The following UNC13C variants were observed in gnomAD, a reference collection of about 807,000 sequenced individuals.
The protein encoded by UNC13C is protein unc-13 homolog C.
Under a neutral mutation model 245.4 loss-of-function variants are expected in UNC13C, and 174 were observed. That is an observed-to-expected ratio of 0.71 (90% CI 0.63 to 0.80). UNC13C has a LOEUF of 0.80. Ranked by LOEUF, UNC13C falls within the 30% of genes least tolerant of loss-of-function variation. The pLI, the probability that UNC13C is intolerant of heterozygous loss-of-function variation, is 0.00. For missense variants in UNC13C, 2,829 were observed against 2,602.9 expected (o/e 1.09, Z -1.89); for synonymous variants, 992 against 895.1 (o/e 1.11, Z -1.93).
intron 2 of UNC13C, among the ~76,000 whole-genome samples, chr15:54,029,341 G>C (rs1463456240): frequency 6.6e-6 from 1 of 152,198 alleles, no homozygotes; most frequent in Non-Finnish European, 1.5e-5. Flanking sequence ...ATGAACTCAA[G>C]ATTAGGGCTG....
chr15:54,503,213 A>G lies in UNC13C; in HGVS notation c.5301+2235A>G, dbSNP rs375033247. Among the ~76,000 whole-genome samples, 22 of 152,308 alleles carry G rather than the reference A, an allele frequency of 1.4e-4. No individual in the cohort carries two copies. In the South Asian group the frequency reaches 3.7e-3, roughly 26 times the overall value. ...ATTGTCAGCAGGATATAGTGTAAGA[A>G]CAATGAGAAGCATTTTCTGGAAAAG... On this transcript the variant is annotated intron_variant, in intron 22 of 32. Transcript: ENST00000260323.
intron 4 of UNC13C, among the ~76,000 whole-genome samples, chr15:54,198,797 A>C (rs1466512253): frequency 6.6e-6 from 1 of 152,034 alleles, no homozygotes; most frequent in East Asian, 1.9e-4. Flanking sequence ...ATGACAAAAC[A>C]AGTTTCTTTA....
the UNC13C span, among the ~76,000 whole-genome samples, chr15:53,841,078 C>T: frequency 6.6e-6 from 1 of 152,234 alleles, no homozygotes; most frequent in Non-Finnish European, 1.5e-5. Context: ...AAATGGTTTG[C>T]TTTCATTTGC....
At chr15:54,633,275 C>T (rs1308438284), downstream of UNC13C, 2 of 152,174 alleles carry the variant, frequency 1.3e-5, no homozygotes, top group Non-Finnish European at 2.9e-5. Flanking sequence ...AATTCGTGGG[C>T]ACAGTATATG....
chr15:54,630,614 C>G (rs187279904), downstream of UNC13C: 1 of 152,226 alleles, frequency 6.6e-6, no homozygotes, highest in Admixed American at 6.5e-5. Context: ...AGAGACTGCC[C>G]TCCCCTGTGG....
At chr15:53,975,238 C>A (rs1307632752), upstream of UNC13C, among the ~76,000 whole-genome samples, 1 of 152,206 alleles carries the variant, frequency 6.6e-6, no homozygotes, top group Admixed American at 6.5e-5. Flanking sequence ...GTAATCTATG[C>A]TAGGCACATC....
intron 19 of UNC13C, among the ~76,000 whole-genome samples, chr15:54,420,646 G>A (rs529110429): frequency 1.9e-4 from 29 of 151,886 alleles, no homozygotes; most frequent in African/African-American, 7.0e-4. Context: ...TTTTGTTTGT[G>A]ATGATTTTAA....
chr15:54,569,285 C>T (rs1029380621), intron 30 of UNC13C, among the ~76,000 whole-genome samples: 1 of 151,870 alleles, frequency 6.6e-6, no homozygotes, highest in Admixed American at 6.6e-5. Flanking sequence ...GGACGTCCCA[C>T]GGATAACAAA....
intron 19 of UNC13C, among the ~76,000 whole-genome samples, chr15:54,425,069 G>A (rs2140966213): frequency 6.6e-6 from 1 of 151,880 alleles, no homozygotes; most frequent in Non-Finnish European, 1.5e-5. Context: ...AGGCCTTTCT[G>A]GCCTACCAGG....
Position 54,143,027 on chromosome 15 carries a change from C to A in UNC13C, c.2993C>A (p.Ser998Tyr). The A allele has an allele frequency of 6.2e-7, 1 of 1,611,724 alleles. No homozygotes were observed. Among genetic ancestry groups the A allele is most frequent in the Non-Finnish European group, 8.5e-7 (1 of 1,178,990 alleles). Residue 998 changes from serine to tyrosine, a missense_variant, in exon 3 of 33, where the codon TCT becomes TAT. Physicochemically the swap from Ser to Tyr is moderately radical, Grantham distance 144. Coordinates refer to ENST00000260323, the MANE Select transcript of UNC13C (RefSeq NM_001080534.3). The part of the protein sequence containing the change: ...EEKILAGDSS[S>Y]VDEKARIVSG... Reference sequence around the variant, plus strand: ...CCTGATTCTCTTTCAGATAGCAGTTCTGTGGATGAAAAGGTTTTAAATCAT... The same window carrying A: ...CCTGATTCTCTTTCAGATAGCAGTTATGTGGATGAAAAGGTTTTAAATCAT...
At chr15:54,474,328 C>G (rs906383088) in intron 19 of UNC13C, among the ~76,000 whole-genome samples, 2 of 151,960 alleles carry the variant, frequency 1.3e-5, no homozygotes, top group African/African-American at 4.8e-5. Flanking sequence ...TGCGTCCTCA[C>G]CAGCATCTGC....
rs143372181 is a variant in UNC13C, at chr15:54,124,196, G to A, written c.2984-18822G>A. Among the ~76,000 whole-genome samples, 552 of 152,186 alleles carry A rather than the reference G, an allele frequency of 3.6e-3. 5 individuals carry two copies. The highest frequency in any genetic ancestry group is 0.013 in the African/African-American group (532 of 41,514). On this transcript the variant is annotated intron_variant, in intron 2 of 32. Coordinates refer to ENST00000260323, the MANE Select transcript of UNC13C (RefSeq NM_001080534.3). The stretch of plus-strand genomic sequence containing the variant: ...TTTTGTGTAGACATATTTTCATTTC[G>A]CTAGGATAAATGCCTAAATGTGTAA...
chr15:54,493,689 G>T (rs1174858620), intron 19 of UNC13C, among the ~76,000 whole-genome samples: 1 of 152,034 alleles, frequency 6.6e-6, no homozygotes. Flanking sequence ...TTCTCAGAGG[G>T]CACATTCAAC....
chr15:54,237,696 T>TACTAGATATTGCTCATAATATCTA lies in UNC13C; in HGVS notation c.3228+26_3228+49dup, dbSNP rs748319447. The TACTAGATATTGCTCATAATATCTA allele has an allele frequency of 1.1e-5, 18 of 1,600,100 alleles. No individual in the cohort carries two copies. The African/African-American group carries it at 2.1e-4, about 19-fold the overall frequency. On this transcript the variant is annotated splice_region_variant and intron_variant, in intron 7 of 32. Transcript: ENST00000260323. ...CCCTAAATAATGAGGAACTGGTAAG[T>TACTAGATATTGCTCATAATATCTA]ACTAGATATTGCTCATAATATCTAA...
intron 30 of UNC13C, among the ~76,000 whole-genome samples, chr15:54,593,969 G>A (rs1040025768): frequency 2.0e-5 from 3 of 152,176 alleles, no homozygotes; most frequent in Non-Finnish European, 4.4e-5. Flanking sequence ...CTATCAGAGG[G>A]AAGGTCTAGG....
At chr15:54,450,753 C>T (rs12439242) in intron 19 of UNC13C, among the ~76,000 whole-genome samples, 44,500 of 152,002 alleles carry the variant, frequency 0.29, 6,984 homozygotes, top group East Asian at 0.52. Flanking sequence ...CTTCAGCTCA[C>T]GCTCGGTGCA....
rs543772301 is a variant in UNC13C at position 54,544,141 on chromosome 15, T to A, written c.5697-2581T>A. On this transcript the variant is annotated intron_variant, in intron 26 of 32. Coordinates refer to ENST00000260323, the MANE Select transcript of UNC13C (RefSeq NM_001080534.3). ...CCCAGGATCCAAGGCTGGTTCAACATACACAAATCAGTAAATGTAATCCAT... is the reference window on the plus strand; with the variant it reads ...CCCAGGATCCAAGGCTGGTTCAACAAACACAAATCAGTAAATGTAATCCAT... Among the ~76,000 whole-genome samples, 5 of 152,260 alleles carry A rather than the reference T, an allele frequency of 3.3e-5. 1 individual carries two copies. Among genetic ancestry groups the A allele is most frequent in the African/African-American group, 1.2e-4 (5 of 41,548 alleles).
intron 4 of UNC13C, among the ~76,000 whole-genome samples, chr15:54,199,501 G>T (rs1048243284): frequency 1.3e-5 from 2 of 151,988 alleles, no homozygotes; most frequent in Non-Finnish European, 2.9e-5. Flanking sequence ...TCTCAGCAGA[G>T]ATCCTACAAG....
intron 2 of UNC13C, among the ~76,000 whole-genome samples, chr15:54,101,606 A>G (rs1235335424): frequency 6.6e-6 from 1 of 151,708 alleles, no homozygotes; most frequent in Non-Finnish European, 1.5e-5. Context: ...TTTGACAAGG[A>G]ATCTTGCTCC....
Sources: gnomAD v4.1 joint callset for allele counts (sites outside exome capture counted in the v4.1 genomes callset) on GRCh38, gnomAD v4.1.1 for gene constraint, MANE v1.5 for transcripts, NCBI Gene and HGNC (gene_info 2026-07-23, HGNC 2026-07-21) for gene names.